Variants in FOXN3 observed in about 807,000 individuals in gnomAD.
FOXN3 encodes the protein forkhead box N3, also known as forkhead box protein N3.
In FOXN3, 7 loss-of-function variants were observed where a neutral mutation model predicts 38.4. That is an observed-to-expected ratio of 0.18 (90% confidence interval 0.10 to 0.34). FOXN3 has a LOEUF of 0.34. FOXN3 is among the 10% of genes least tolerant of loss of function. FOXN3 has a pLI of 1.00. For missense variants in FOXN3, 456 were observed against 613.4 expected (o/e 0.74, Z 2.71); for synonymous variants, 230 against 242.2 (o/e 0.95, Z 0.47).
intron 4 of FOXN3, among the ~76,000 whole-genome samples, chr14:89,257,655 C>G (rs1885665289): frequency 6.6e-6 from 1 of 152,110 alleles, no homozygotes; most frequent in South Asian, 2.1e-4. Flanking sequence ...GAGGCTGAGG[C>G]AGGAGGATCA....
At chr14:89,524,823 C>G (rs988895621) in intron 1 of FOXN3, among the ~76,000 whole-genome samples, 7 of 152,042 alleles carry the variant, frequency 4.6e-5, no homozygotes, top group Admixed American at 2.6e-4. Flanking sequence ...ACTCCAGGAC[C>G]AGAATGTTTT....
intron 2 of FOXN3, among the ~76,000 whole-genome samples, chr14:89,373,153 G>A (rs959402879): frequency 3.9e-5 from 6 of 152,110 alleles, no homozygotes; most frequent in African/African-American, 7.2e-5. Context: ...GCAACAGAGC[G>A]GGACCCTGTC....
intron 3 of FOXN3, among the ~76,000 whole-genome samples, chr14:89,310,453 T>A (rs1887502483): frequency 1.3e-5 from 2 of 152,220 alleles, no homozygotes; most frequent in South Asian, 4.1e-4. Context: ...TCCAGTTGGA[T>A]AAAGCTGCCC....
In FOXN3 at chr14:89,377,200, AG is replaced by A. The variant is rs537693802; in HGVS notation, c.544-26393del. Reference sequence around the variant, plus strand: ...TGACTGTCTCAGAAAAAAGAAAAAAAGTCGGTGTCATCAGAGGGGGAGAGGA... The same window carrying A: ...TGACTGTCTCAGAAAAAAGAAAAAAATCGGTGTCATCAGAGGGGGAGAGGA... On this transcript the variant is annotated intron_variant, in intron 2 of 5. Transcript: ENST00000557258. Among the ~76,000 whole-genome samples the A allele has an allele frequency of 1.6e-4, 24 of 152,020 alleles. No individual in the cohort carries two copies. In the South Asian group the frequency reaches 5.0e-3, roughly 32 times the overall value.
chr14:89,396,592 T>G (rs1891104860), intron 2 of FOXN3, among the ~76,000 whole-genome samples: 2 of 152,120 alleles, frequency 1.3e-5, no homozygotes, highest in South Asian at 4.2e-4. Context: ...CCCAGCACTT[T>G]GGGAGGCGAG....
chr14:89,192,743 A>G (rs994751590), intron 4 of FOXN3, among the ~76,000 whole-genome samples: 6 of 146,210 alleles, frequency 4.1e-5, no homozygotes, highest in African/African-American at 1.5e-4. Flanking sequence ...ATATATGTAT[A>G]CTATCATATA....
chr14:89,174,516 G>A (rs1332906109), intron 5 of FOXN3, among the ~76,000 whole-genome samples: 1 of 152,154 alleles, frequency 6.6e-6, no homozygotes. Context: ...TCTCCTCCAT[G>A]AATTGTTTTG....
chr14:89,576,316 T>C (rs946720195), intron 1 of FOXN3: 1 of 152,226 alleles, frequency 6.6e-6, no homozygotes, highest in Non-Finnish European at 1.5e-5. Context: ...TGCGTACTCA[T>C]GTGATTTCTC....
chr14:89,504,830 G>A (rs1893876859), intron 1 of FOXN3, among the ~76,000 whole-genome samples: 1 of 152,136 alleles, frequency 6.6e-6, no homozygotes, highest in Non-Finnish European at 1.5e-5. Flanking sequence ...AGGACCAGCT[G>A]TTACCACTTC....
intron 2 of FOXN3, among the ~76,000 whole-genome samples, chr14:89,379,834 T>A (rs532579774): frequency 1.4e-3 from 212 of 151,964 alleles, no homozygotes; most frequent in South Asian, 4.8e-3. Flanking sequence ...CTAATTTTTT[T>A]ATTTTTAGTA....
rs796805189 is a variant in FOXN3 at position 89,575,879 on chromosome 14, G to A, written c.-15+43149C>T. Among the ~76,000 whole-genome samples, 4 of 152,328 alleles carry A rather than the reference G, an allele frequency of 2.6e-5. No homozygotes were observed. In the South Asian group the frequency reaches 6.2e-4, roughly 24 times the overall value. ...AACCGCCCTCCGGCCTCCACGCAGCGCCTGTGAAACTCTTCATTCAGCAGA... is the reference window on the plus strand; with the variant it reads ...AACCGCCCTCCGGCCTCCACGCAGCACCTGTGAAACTCTTCATTCAGCAGA... On this transcript the variant is annotated intron_variant, in intron 1 of 6. Transcript: ENST00000345097.
intron 1 of FOXN3, among the ~76,000 whole-genome samples, chr14:89,452,686 C>T (rs1254494699): frequency 2.0e-5 from 3 of 152,170 alleles, no homozygotes; most frequent in African/African-American, 7.2e-5. Flanking sequence ...AAAACTGATG[C>T]ACCCACCCAA....
chr14:89,193,187 G>A (rs778505623), intron 4 of FOXN3, among the ~76,000 whole-genome samples: 27 of 152,128 alleles, frequency 1.8e-4, no homozygotes, highest in Non-Finnish European at 3.1e-4. Flanking sequence ...CCCTGCCTCC[G>A]CAGGTGACTC....
At chr14:89,291,325 T>G (rs1886865294) in intron 3 of FOXN3, 1 of 537,458 alleles carries the variant, frequency 1.9e-6, no homozygotes, top group African/African-American at 1.9e-5. Flanking sequence ...TCGGGGTTGT[T>G]GGTCATGAGA....
intron 2 of FOXN3, among the ~76,000 whole-genome samples, chr14:89,387,175 G>T (rs1389590770): frequency 6.6e-6 from 1 of 152,214 alleles, no homozygotes; most frequent in Non-Finnish European, 1.5e-5. Context: ...AGAATCACTT[G>T]AACCCAGAAG....
At chr14:89,470,373 A>G (rs1566667248) in intron 1 of FOXN3, among the ~76,000 whole-genome samples, 1 of 151,622 alleles carries the variant, frequency 6.6e-6, no homozygotes, top group Non-Finnish European at 1.5e-5. Context: ...CAATTATTCT[A>G]CTGACTCTAG....
At chr14:89,533,572 G>T (rs1398422806) in intron 1 of FOXN3, among the ~76,000 whole-genome samples, 1 of 146,806 alleles carries the variant, frequency 6.8e-6, no homozygotes, top group Non-Finnish European at 1.5e-5. Flanking sequence ...TGAGGCAGGA[G>T]AATGGCGTGA....
chr14:89,307,256 A>C (rs954057621), intron 3 of FOXN3, among the ~76,000 whole-genome samples: 1 of 152,080 alleles, frequency 6.6e-6, no homozygotes, highest in African/African-American at 2.4e-5. Flanking sequence ...CACTAACCCA[A>C]TCCTCTCTCC....
At chr14:89,410,419 C>T (rs1477159244) in intron 2 of FOXN3, among the ~76,000 whole-genome samples, 1 of 152,140 alleles carries the variant, frequency 6.6e-6, no homozygotes, top group Non-Finnish European at 1.5e-5. Flanking sequence ...ACACACAAAG[C>T]GGGAAAACAC....
Sources: gnomAD v4.1 joint callset for allele counts (sites outside exome capture counted in the v4.1 genomes callset) on GRCh38, gnomAD v4.1.1 for gene constraint, MANE v1.5 for transcripts, NCBI Gene and HGNC (gene_info 2026-07-23, HGNC 2026-07-21) for gene names.